Variants in PDE3A observed in about 807,000 individuals in gnomAD.
The protein encoded by PDE3A is phosphodiesterase 3A.
Under a neutral mutation model 98.3 loss-of-function variants are expected in PDE3A, and 43 were observed. The observed-to-expected ratio is 0.44, with a 90% CI of 0.34 to 0.56. The LOEUF is 0.56. Among genes scored for constraint, PDE3A ranks in the 20% least tolerant of loss-of-function variants. The pLI, the probability that PDE3A is intolerant of heterozygous loss-of-function variation, is 0.01. For synonymous variants in PDE3A, 663 were observed against 567.9 expected (o/e 1.17, Z -2.38); for missense variants, 1,427 against 1,440.7 (o/e 0.99, Z 0.15).
chr12:20,633,557 A>G (rs1036675163), intron 6 of PDE3A, 136 bp from the exon 7 acceptor site: 2 of 511,486 alleles, frequency 3.9e-6, no homozygotes, highest in Non-Finnish European at 6.9e-6. Flanking sequence ...CAAAATGCAT[A>G]TTTTCACAAA....
chr12:20,369,635 A>AGGTGCTCCCGGGGGC lies in PDE3A; in HGVS notation c.357_371dup (p.Pro120_Ala124dup), dbSNP rs1943422542. ...GGGGCGTCTTCCCGGGGCCTCGGGG[A>AGGTGCTCCCGGGGGC]GGTGCTCCCGGGGGCGGTGCGCGGC... On this transcript the variant is annotated inframe_insertion, in exon 1 of 16. Coordinates refer to ENST00000359062, the MANE Select transcript of PDE3A (RefSeq NM_000921.5). The AGGTGCTCCCGGGGGC allele has an allele frequency of 6.3e-7, 1 of 1,591,788 alleles. No individual in the cohort carries two copies. Among genetic ancestry groups the AGGTGCTCCCGGGGGC allele is most frequent in the Non-Finnish European group, 8.5e-7 (1 of 1,170,144 alleles).
chr12:20,670,529 T>C (rs1215212632), intron 15 of PDE3A, among the ~76,000 whole-genome samples: 3 of 152,176 alleles, frequency 2.0e-5, no homozygotes, highest in Non-Finnish European at 2.9e-5. Flanking sequence ...CAGCTAGAAC[T>C]CAGGATTAAG....
chr12:20,421,312 A>G (rs1234961446), intron 1 of PDE3A, among the ~76,000 whole-genome samples: 5 of 152,164 alleles, frequency 3.3e-5, no homozygotes, highest in African/African-American at 1.2e-4. Context: ...TTGATGTTCA[A>G]CAGCCATTTT....
intron 1 of PDE3A, among the ~76,000 whole-genome samples, chr12:20,453,098 G>T (rs1338038161): frequency 6.6e-6 from 1 of 151,678 alleles, no homozygotes; most frequent in Non-Finnish European, 1.5e-5. Flanking sequence ...GGATTTAAAA[G>T]CCAACCACAA....
intron 2 of PDE3A, among the ~76,000 whole-genome samples, chr12:20,566,800 T>G (rs113557287): frequency 2.2e-4 from 33 of 152,026 alleles, no homozygotes; most frequent in South Asian, 4.1e-4. Context: ...TGAATTTTTT[T>G]TTTGTTTGTT....
rs755334610 is a variant in PDE3A, at chr12:20,687,042, A to G, written c.*6771A>G. 6.6e-6 allele frequency among the ~76,000 whole-genome samples: 1 copy of G among 152,146 alleles called. No homozygotes were observed. Among genetic ancestry groups the G allele is most frequent in the Admixed American group, 6.5e-5 (1 of 15,274 alleles). On this transcript the variant is annotated 3_prime_UTR_variant, in exon 16 of 16. Transcript: ENST00000359062. ...TTTCCAAATGTGAATTAGCCCTTGA[A>G]TTAGTTTGAAAACTGCTACTTGAAT...
chr12:20,632,426 A>C (rs938957431), intron 6 of PDE3A, among the ~76,000 whole-genome samples: 7 of 152,220 alleles, frequency 4.6e-5, no homozygotes, highest in Non-Finnish European at 7.3e-5. Flanking sequence ...TAGAGTGGGT[A>C]GTCTGTGGTT....
chr12:20,483,353 C>G (rs1382693562), intron 1 of PDE3A, among the ~76,000 whole-genome samples: 6 of 152,110 alleles, frequency 3.9e-5, no homozygotes, highest in African/African-American at 1.4e-4. Context: ...CGCACCACTG[C>G]ACTCCAGCCT....
At position 20,648,999 on chromosome 12, in the gene PDE3A, C is replaced by T. The variant is rs928193398; in HGVS notation, c.2769+108C>T. ...GGAGTGCAGTGGCACGATCTTGGCTCACTGCAGCCTCTGCCTCCTGGGTTC... is the reference window on the plus strand; with the variant it reads ...GGAGTGCAGTGGCACGATCTTGGCTTACTGCAGCCTCTGCCTCCTGGGTTC... On this transcript the variant is annotated intron_variant, in intron 13 of 15. Coordinates refer to ENST00000359062, the MANE Select transcript of PDE3A (RefSeq NM_000921.5). 3.2e-5 allele frequency: 22 copies of T among 678,930 alleles called. No individual in the cohort carries two copies. The African/African-American group carries it at 3.9e-4, about 12-fold the overall frequency. The allele number at this position is 678,930 out of a possible 1,614,324, so 42.1% of individuals were successfully genotyped here.
chr12:20,470,357 C>T (rs900304013), intron 1 of PDE3A, among the ~76,000 whole-genome samples: 1 of 151,774 alleles, frequency 6.6e-6, no homozygotes, highest in Non-Finnish European at 1.5e-5. Flanking sequence ...GCTCTGAGTT[C>T]AGTGGGAAAG....
chr12:20,370,142 T>G lies in PDE3A; in HGVS notation c.858T>G (p.Phe286Leu). The change falls in exon 1 of 16, where the codon TTT becomes TTG. Residue 286 changes from phenylalanine to leucine, a missense_variant. Phe to Leu is a conservative substitution (Grantham distance 22). Transcript: ENST00000359062. ...IAGTKEDIPV[F>L]KRRRRSSSVV... ...GGACCAAGGAAGATATCCCGGTGTT[T>G]AAGAGGAGGAGGCGGTCCAGCTCCG... The G allele has an allele frequency of 7.4e-6, 12 of 1,613,348 alleles. No homozygotes were observed. Among genetic ancestry groups the G allele is most frequent in the Middle Eastern group, 1.7e-4 (1 of 6,060 alleles).
intron 1 of PDE3A, among the ~76,000 whole-genome samples, chr12:20,542,148 G>A (rs1050531868): frequency 6.6e-6 from 1 of 151,912 alleles, no homozygotes; most frequent in Non-Finnish European, 1.5e-5. Flanking sequence ...TTTGCTGAAG[G>A]TTTCTTGGCA....
At position 20,386,154 on chromosome 12, in the gene PDE3A, A is replaced by AAT. The variant is rs1565532663; in HGVS notation, c.960+15918_960+15919dup. Among the ~76,000 whole-genome samples, 39 of 95,652 alleles carry AAT rather than the reference A, an allele frequency of 4.1e-4. 1 individual carries two copies. Among genetic ancestry groups the AAT allele is most frequent in the Non-Finnish European group, 6.4e-4 (33 of 51,164 alleles). The allele number at this position is 95,652 out of a possible 152,430, so 62.8% of individuals were successfully genotyped here. On this transcript the variant is annotated intron_variant, in intron 1 of 15. Coordinates refer to ENST00000359062, the MANE Select transcript of PDE3A (RefSeq NM_000921.5). ...ATAAATATATATAAATATATATATA[A>AAT]ATATATATAAATATATAAAAATATA...
chr12:20,511,910 A>G (rs1343210040), intron 1 of PDE3A, among the ~76,000 whole-genome samples: 2 of 152,108 alleles, frequency 1.3e-5, no homozygotes, highest in East Asian at 3.9e-4. Context: ...CAGTTTGCCT[A>G]TGTGGTTGTC....
chr12:20,627,573 C>A (rs1221761915), intron 5 of PDE3A, among the ~76,000 whole-genome samples: 1 of 151,976 alleles, frequency 6.6e-6, no homozygotes, highest in Non-Finnish European at 1.5e-5. Context: ...CCACCCCCAC[C>A]CTTTCCCAGC....
chr12:20,643,018 A>C (rs1944680285), intron 10 of PDE3A, among the ~76,000 whole-genome samples: 1 of 152,162 alleles, frequency 6.6e-6, no homozygotes, highest in Non-Finnish European at 1.5e-5. Context: ...AGGGAAAAGG[A>C]GAAAGTTGAG....
At chr12:20,676,477 T>C in intron 15 of PDE3A, among the ~76,000 whole-genome samples, 1 of 150,264 alleles carries the variant, frequency 6.7e-6, no homozygotes, top group Non-Finnish European at 1.5e-5. Context: ...TTGCTGTTTT[T>C]AGAACTCTCT....
At chr12:20,649,801 C>T (rs1304898547) in intron 13 of PDE3A, among the ~76,000 whole-genome samples, 1 of 152,058 alleles carries the variant, frequency 6.6e-6, no homozygotes, top group East Asian at 1.9e-4. Flanking sequence ...TGGCGCACCC[C>T]TGTAGTCCTA....
chr12:20,428,366 A>G (rs866901462), intron 1 of PDE3A, among the ~76,000 whole-genome samples: 1 of 151,836 alleles, frequency 6.6e-6, no homozygotes, highest in Non-Finnish European at 1.5e-5. Context: ...TGCAAGCTCC[A>G]CCTCCCGGGT....
Sources: allele counts gnomAD v4.1 joint callset (sites outside exome capture counted in the v4.1 genomes callset), GRCh38; gene constraint gnomAD v4.1.1; transcripts MANE v1.5; gene names NCBI Gene and HGNC (gene_info 2026-07-23, HGNC 2026-07-21).